RASSF8: variants seen among roughly 807,000 people sequenced by gnomAD.
RASSF8 encodes the protein Ras association domain family member 8.
RASSF8 carries 22 observed loss-of-function variants against 48.5 expected under a neutral mutation model. The ratio of observed to expected loss-of-function variants is 0.45; its 90% CI spans 0.32 to 0.65. RASSF8 has a LOEUF of 0.65. RASSF8 is among the 30% of genes least tolerant of loss of function. The pLI is 0.03. For synonymous variants in RASSF8, 127 were observed against 171.5 expected, an observed-to-expected ratio of 0.74 and a Z score of 2.03; for missense variants, 418 against 489.2, an observed-to-expected ratio of 0.85 and a Z score of 1.37.
At chr12:26,003,143 GT>G (rs948531974) in intron 2 of RASSF8, among the ~76,000 whole-genome samples, 5 of 152,118 alleles carry the variant, frequency 3.3e-5, no homozygotes, top group African/African-American at 1.2e-4. Flanking sequence ...TGCCTAGTTT[GT>G]TGAGTGTTTT....
At chr12:26,077,914 C>A (rs2137550) in intron 5 of RASSF8, among the ~76,000 whole-genome samples, 19,696 of 152,170 alleles carry the variant, frequency 0.13, 1,664 homozygotes, top group Admixed American at 0.21. Flanking sequence ...ATACTTATCT[C>A]TAAAACCTCT....
At chr12:26,058,500 G>T (rs1481236999) in intron 3 of RASSF8, among the ~76,000 whole-genome samples, 1 of 151,238 alleles carries the variant, frequency 6.6e-6, no homozygotes, top group Non-Finnish European at 1.5e-5. Flanking sequence ...GCGCGTCTTT[G>T]CCTCATGGGG....
At chr12:25,958,653 G>C (rs1183930691), upstream of RASSF8, 3 of 144,970 alleles carry the variant, frequency 2.1e-5, no homozygotes, top group African/African-American at 7.5e-5. Flanking sequence ...GGCCCGGCCC[G>C]GCCCGGCCCC....
chr12:26,020,473 A>T (rs1942761705), intron 2 of RASSF8: 1 of 152,216 alleles, frequency 6.6e-6, no homozygotes. Flanking sequence ...ATAGATTGTA[A>T]ATATAAAATA....
chr12:25,986,389 G>A lies in RASSF8; in HGVS notation c.-202-8648G>A, dbSNP rs1459850968. Among the ~76,000 whole-genome samples, 3 of 152,316 alleles carry A rather than the reference G, an allele frequency of 2.0e-5. 1 individual carries two copies. The highest frequency in any genetic ancestry group is 7.2e-5 in the African/African-American group (3 of 41,574). The stretch of plus-strand genomic sequence containing the variant: ...TGTCCCAAGTTCACATGACAGCAGA[G>A]CTAATATTAGAATGTTTGCTGTTAT... On this transcript the variant is annotated intron_variant, in intron 1 of 5. Coordinates refer to ENST00000689635, the MANE Select transcript of RASSF8 (RefSeq NM_001394098.1).
At chr12:26,049,554 T>C (rs568802727) in intron 2 of RASSF8, among the ~76,000 whole-genome samples, 1 of 152,202 alleles carries the variant, frequency 6.6e-6, no homozygotes, top group Non-Finnish European at 1.5e-5. Context: ...TTATGCACCG[T>C]TGATTAACCC....
At chr12:25,979,041 A>G (rs192934263) in intron 1 of RASSF8, among the ~76,000 whole-genome samples, 1 of 152,302 alleles carries the variant, frequency 6.6e-6, no homozygotes, top group Admixed American at 6.5e-5. Flanking sequence ...TCACTTCTAG[A>G]TGGATATTAC....
chr12:26,011,982 A>G (rs976442088), intron 2 of RASSF8, among the ~76,000 whole-genome samples: 2 of 152,244 alleles, frequency 1.3e-5, no homozygotes, highest in African/African-American at 2.4e-5. Context: ...TATGTATAAC[A>G]TATAATAACA....
intron 4 of RASSF8, among the ~76,000 whole-genome samples, chr12:26,066,113 T>C: frequency 6.6e-6 from 1 of 152,308 alleles, no homozygotes; most frequent in South Asian, 2.1e-4. Context: ...GCAGTTAAAT[T>C]ATTAAATAAT....
chr12:26,063,526 A>C (rs1269762711), intron 3 of RASSF8, among the ~76,000 whole-genome samples: 1 of 152,028 alleles, frequency 6.6e-6, no homozygotes, highest in African/African-American at 2.4e-5. Context: ...CCTCTCAAGT[A>C]GCTAGGACTA....
chr12:26,011,855 C>T (rs1036905772), intron 2 of RASSF8: 1 of 152,132 alleles, frequency 6.6e-6, no homozygotes, highest in African/African-American at 2.4e-5. Context: ...CATAAGCCAC[C>T]CAGTTTATGG....
Position 26,071,639 on chromosome 12 carries a change from T to C in RASSF8, c.*2821T>C, listed in dbSNP as rs1565652603. ...ATTTTGGTTTGATAACATTTTGTTT[T>C]TTGTCTTGATGCACAGGGACTTTTT... On this transcript the variant is annotated 3_prime_UTR_variant, in exon 6 of 6. Transcript: ENST00000689635. The C allele has an allele frequency of 1.0e-6, 1 of 985,174 alleles. No homozygotes were observed. The allele number at this position is 985,174 out of a possible 1,614,324, so 61.0% of individuals were successfully genotyped here.
At chr12:26,052,062 A>G (rs768335277) in intron 2 of RASSF8, among the ~76,000 whole-genome samples, 14 of 152,210 alleles carry the variant, frequency 9.2e-5, no homozygotes, top group Non-Finnish European at 1.3e-4. Context: ...CACAAAGGCA[A>G]TGTCACCTTG....
chr12:26,056,026 AC>A (rs1943595373), intron 3 of RASSF8, among the ~76,000 whole-genome samples: 3 of 152,098 alleles, frequency 2.0e-5, no homozygotes, highest in Admixed American at 2.0e-4. Context: ...CTTTAATAAA[AC>A]TACAAAAATT....
intron 2 of RASSF8, among the ~76,000 whole-genome samples, chr12:26,054,765 A>C (rs1196981738): frequency 6.6e-6 from 1 of 152,246 alleles, no homozygotes; most frequent in Non-Finnish European, 1.5e-5. Context: ...TAAATCAGGA[A>C]TGTGAGCTGA....
At chr12:26,061,516 G>A (rs1415197451) in intron 3 of RASSF8, among the ~76,000 whole-genome samples, 2 of 151,882 alleles carry the variant, frequency 1.3e-5, no homozygotes, top group Non-Finnish European at 2.9e-5. Context: ...GTGTCACACA[G>A]TCCTACAATG....
intron 2 of RASSF8, among the ~76,000 whole-genome samples, chr12:26,004,429 G>T (rs1157344849): frequency 6.6e-6 from 1 of 152,138 alleles, no homozygotes; most frequent in Non-Finnish European, 1.5e-5. Context: ...CAACATGGGG[G>T]TTAGGGAGTG....
chr12:26,006,991 G>A (rs1942406943), intron 2 of RASSF8, among the ~76,000 whole-genome samples: 1 of 152,112 alleles, frequency 6.6e-6, no homozygotes, highest in African/African-American at 2.4e-5. Flanking sequence ...ATCTGGTGAG[G>A]GCCTCAGGCT....
chr12:26,016,797 T>A (rs949849), intron 2 of RASSF8, among the ~76,000 whole-genome samples: 107,829 of 151,948 alleles, frequency 0.71, 38,363 homozygotes, highest in South Asian at 0.77. Context: ...TGTTGAATAG[T>A]TGTTTATTTT....
Sources: gnomAD v4.1 joint callset for allele counts (sites outside exome capture counted in the v4.1 genomes callset) on GRCh38, gnomAD v4.1.1 for gene constraint, MANE v1.5 for transcripts, NCBI Gene and HGNC (gene_info 2026-07-23, HGNC 2026-07-21) for gene names.